The following SFI1 variants were observed in gnomAD, a reference collection of about 807,000 sequenced individuals.
SFI1 encodes protein SFI1 homolog.
In SFI1, 195 loss-of-function variants were observed where a neutral mutation model predicts 207.5. The ratio of observed to expected loss-of-function variants is 0.94; its 90% CI spans 0.84 to 1.06. The LOEUF is 1.06. Ranked by LOEUF, SFI1 falls within the 50% of genes least tolerant of loss-of-function variation. The pLI, the probability that SFI1 is intolerant of heterozygous loss-of-function variation, is 0.00. For synonymous variants in SFI1, 630 were observed against 598.9 expected (o/e 1.05, Z -0.76); for missense variants, 1,634 against 1,588.0 (o/e 1.03, Z -0.49).
At chr22:31,526,382 G>T (rs1444557981) in intron 2 of SFI1, among the ~76,000 whole-genome samples, 1 of 152,108 alleles carries the variant, frequency 6.6e-6, no homozygotes, top group East Asian at 1.9e-4. Context: ...GTGGGGGAAA[G>T]CCCCATATAA....
chr22:31,511,341 C>A (rs965184809), intron 2 of SFI1, among the ~76,000 whole-genome samples: 8 of 152,072 alleles, frequency 5.3e-5, no homozygotes, highest in Non-Finnish European at 1.0e-4. Flanking sequence ...AACCAGCACC[C>A]TGACAGTGTT....
Position 31,602,588 on chromosome 22 carries a change from C to T in SFI1, c.1627-19C>T, listed in dbSNP as rs2068296337. On this transcript the variant is annotated intron_variant, in intron 16 of 32. Coordinates refer to ENST00000400288, the MANE Select transcript of SFI1 (RefSeq NM_001007467.3). ...TCCTACTTGATTTATTCTGTTCTCT[C>T]CTTCCTGTCCTGCCTCAGGCCATCC... 4 of 1,613,366 alleles carry T rather than the reference C, an allele frequency of 2.5e-6. 1 individual carries two copies. The highest frequency in any genetic ancestry group is 1.1e-5 in the South Asian group (1 of 90,994).
At position 31,614,860 on chromosome 22, in the gene SFI1, G is replaced by T. The variant is rs1405504421; in HGVS notation, c.3068G>T (p.Arg1023Met). ...CTGTTGGAGCCTGCGCAGAGCCAGA[G>T]GTCCCTGGGGTGCAGCACCGTGGGC... Reference protein sequence around the residue: ...HFLLEPAQSQRPQKPQEHGLG... With the variant: ...HFLLEPAQSQMPQKPQEHGLG... Residue 1023 changes from arginine to methionine, a missense_variant and splice_region_variant, in exon 28 of 33, where the codon AGG (arginine) becomes ATG (methionine). By Grantham distance (91) the Arg-to-Met change is moderately conservative. Coordinates refer to ENST00000400288, the MANE Select transcript of SFI1 (RefSeq NM_001007467.3). 6 of 1,613,472 alleles carry T rather than the reference G, an allele frequency of 3.7e-6. No individual in the cohort carries two copies. Among genetic ancestry groups the T allele is most frequent in the Non-Finnish European group, 5.1e-6 (6 of 1,179,932 alleles).
chr22:31,540,536 T>A (rs1229613387), intron 4 of SFI1, among the ~76,000 whole-genome samples: 1 of 151,400 alleles, frequency 6.6e-6, no homozygotes, highest in Non-Finnish European at 1.5e-5. Context: ...CACCTTGACC[T>A]CCCAAAGTGC....
At chr22:31,602,377 G>T (rs2068257464) in intron 16 of SFI1, 84 bp downstream of exon 16, 2 of 1,404,094 alleles carry the variant, frequency 1.4e-6, no homozygotes, top group African/African-American at 2.8e-5. Flanking sequence ...TCCTCAGGAA[G>T]TTGCTCGGAC....
In SFI1 at chr22:31,618,232, GCCCCAGGCCAT is replaced by G. The variant is rs769540903; in HGVS notation, c.3624+14_3624+24del. The G allele has an allele frequency of 3.8e-6, 6 of 1,594,602 alleles. No homozygotes were observed. The highest frequency in any genetic ancestry group is 3.4e-5 in the South Asian group (3 of 88,122). On this transcript the variant is annotated splice_region_variant and intron_variant, in intron 32 of 32. Coordinates refer to ENST00000400288, the MANE Select transcript of SFI1 (RefSeq NM_001007467.3). ...TGCAGAAAGAGCTGGAACAGGTGAG[GCCCCAGGCCAT>G]CCCCAGGTGTCCCTGGGGACGCCCC...
In SFI1 at chr22:31,596,240, C is replaced by T. The variant is rs541440277; in HGVS notation, c.1545-5972C>T. Among the ~76,000 whole-genome samples, 12 of 151,982 alleles carry T rather than the reference C, an allele frequency of 7.9e-5. No individual in the cohort carries two copies. In the East Asian group the frequency reaches 2.1e-3, roughly 27 times the overall value. On this transcript the variant is annotated intron_variant, in intron 15 of 32. Transcript: ENST00000400288. ...TGCACTCCAGCCTTGGATGACAGAGCGAGACTCCATCTCAAAATAAATATC... is the reference window on the plus strand; with the variant it reads ...TGCACTCCAGCCTTGGATGACAGAGTGAGACTCCATCTCAAAATAAATATC...
intron 2 of SFI1, among the ~76,000 whole-genome samples, chr22:31,516,371 G>C (rs557679828): frequency 6.6e-6 from 1 of 151,116 alleles, no homozygotes; most frequent in African/African-American, 2.4e-5. Flanking sequence ...AAATTAGCTG[G>C]GTATTGTGGT....
intron 4 of SFI1, among the ~76,000 whole-genome samples, chr22:31,541,654 G>A (rs1399936778): frequency 4.0e-5 from 6 of 148,338 alleles, no homozygotes; most frequent in Admixed American, 1.4e-4. Context: ...TGAGGCAGGA[G>A]AATTGCTTGA....
intron 17 of SFI1, 109 bp downstream of exon 17, chr22:31,602,894 A>C: frequency 8.0e-7 from 1 of 1,252,678 alleles, no homozygotes; most frequent in Non-Finnish European, 1.1e-6. Context: ...ATTACCCCAG[A>C]CTCTGGTTGT....
intron 12 of SFI1, among the ~76,000 whole-genome samples, chr22:31,581,977 AAC>A (rs1268252682): frequency 6.6e-6 from 1 of 151,710 alleles, no homozygotes; most frequent in African/African-American, 2.4e-5. Context: ...TAAGAAAAGT[AAC>A]AGTGATTCCC....
At chr22:31,566,840 G>C (rs1240201989) in intron 8 of SFI1, among the ~76,000 whole-genome samples, 1 of 151,978 alleles carries the variant, frequency 6.6e-6, no homozygotes, top group Non-Finnish European at 1.5e-5. Context: ...TGTCTTAATT[G>C]TTCTTCTGTA....
At chr22:31,519,261 CTTTTA>C (rs1352962918) in intron 2 of SFI1, among the ~76,000 whole-genome samples, 2 of 141,668 alleles carry the variant, frequency 1.4e-5, no homozygotes. Context: ...ATCATTTTTT[CTTTTA>C]TTTTCCATTT....
chr22:31,496,287 T>A (rs1396967189), upstream of SFI1: 1 of 152,338 alleles, frequency 6.6e-6, no homozygotes, highest in Admixed American at 6.5e-5. Context: ...CAAGCTGAGC[T>A]CAGAGCGAAG....
At position 31,561,324 on chromosome 22, in the gene SFI1, C is replaced by G. The variant is rs756441303; in HGVS notation, c.697C>G (p.Gln233Glu). 1.8e-5 allele frequency: 29 copies of G among 1,614,152 alleles called. No homozygotes were observed. Among genetic ancestry groups the G allele is most frequent in the Non-Finnish European group, 2.5e-5 (29 of 1,180,014 alleles). Residue 233 changes from glutamine to glutamate, a missense_variant, in exon 8 of 33, where the codon CAG (glutamine) becomes GAG (glutamate). By Grantham distance (29) the Gln-to-Glu change is conservative. Transcript: ENST00000400288. The stretch of plus-strand genomic sequence containing the variant: ...GAGCACGTGGAGGCAGCGACTAGGA[C>G]AGGTCCGTGTGAGCCGTGCCCTCCA... Reference protein sequence around the residue: ...WWSTWRQRLGQVRVSRALHAS... With the variant: ...WWSTWRQRLGEVRVSRALHAS...
At chr22:31,599,778 G>T (rs994419901) in intron 15 of SFI1, among the ~76,000 whole-genome samples, 1 of 151,790 alleles carries the variant, frequency 6.6e-6, no homozygotes, top group South Asian at 2.1e-4. Flanking sequence ...GCCTGGCCCA[G>T]TTCTGTTTAG....
At chr22:31,539,811 G>A (rs1352088991) in intron 4 of SFI1, among the ~76,000 whole-genome samples, 1 of 152,012 alleles carries the variant, frequency 6.6e-6, no homozygotes, top group African/African-American at 2.4e-5. Context: ...TGCCTCCTGG[G>A]TTCAAGTGAT....
intron 2 of SFI1, among the ~76,000 whole-genome samples, chr22:31,511,315 G>C (rs2055473874): frequency 6.6e-6 from 1 of 152,094 alleles, no homozygotes; most frequent in Non-Finnish European, 1.5e-5. Flanking sequence ...CTCATAGAAG[G>C]AGTCCTCGTA....
intron 8 of SFI1, 182 bp from the exon 9 acceptor site, chr22:31,572,876 C>T (rs1190455113): frequency 4.0e-6 from 2 of 502,762 alleles, no homozygotes; most frequent in Non-Finnish European, 7.1e-6. Flanking sequence ...AGCAGAATGT[C>T]CCTCTTAAAG....
Sources: gnomAD v4.1 joint callset for allele counts (sites outside exome capture counted in the v4.1 genomes callset) on GRCh38, gnomAD v4.1.1 for gene constraint, MANE v1.5 for transcripts, NCBI Gene and HGNC (gene_info 2026-07-23, HGNC 2026-07-21) for gene names.